Variants in VPS8 observed in about 807,000 individuals in gnomAD.
The protein encoded by VPS8 is vacuolar protein sorting-associated protein 8 homolog.
VPS8 carries 129 observed loss-of-function variants against 216.4 expected under a neutral mutation model. The observed-to-expected ratio is 0.60, with a 90% CI of 0.52 to 0.69. VPS8 has a LOEUF of 0.69. VPS8 is among the 30% of genes least tolerant of loss of function. The pLI is 0.00. For missense variants in VPS8, 1,531 were observed against 1,683.5 expected, an observed-to-expected ratio of 0.91 and a Z score of 1.59; for synonymous variants, 571 against 565.4, an observed-to-expected ratio of 1.01 and a Z score of -0.14.
At chr3:184,848,564 C>CT (rs35715889) in intron 8 of VPS8, among the ~76,000 whole-genome samples, 4,759 of 87,210 alleles carry the variant, frequency 0.055, 259 homozygotes, top group Non-Finnish European at 0.077. Context: ...TTCCTGTATT[C>CT]TTTTTTTTTT....
Position 184,914,998 on chromosome 3 carries a change from G to A in VPS8, c.2207G>A (p.Arg736His), listed in dbSNP as rs748532795. 14 of 1,613,848 alleles carry A rather than the reference G, an allele frequency of 8.7e-6. No individual in the cohort carries two copies. The highest frequency in any genetic ancestry group is 5.3e-5 in the African/African-American group (4 of 74,926). The change falls in exon 27 of 48, where the codon CGT becomes CAT. Residue 736 changes from arginine (R) to histidine (H), a missense_variant. Physicochemically the swap from Arg to His is conservative, Grantham distance 29. Around this residue, in one of 3 missense-constraint regions of VPS8, gnomAD observed 1,318 missense variants for 1,468.4 expected, o/e 0.90. Transcript: ENST00000625842. Reference sequence around the variant, plus strand: ...TCTTCTAGCTGTTGTCTAGCAGGTCGTGCCTATCCCCTTGGTGACATCCCT... The same window carrying A: ...TCTTCTAGCTGTTGTCTAGCAGGTCATGCCTATCCCCTTGGTGACATCCCT... ...LVYISCCLAG[R>H]AYPLGDIPED...
At chr3:184,944,826 G>T (rs558287219) in intron 36 of VPS8, among the ~76,000 whole-genome samples, 1 of 152,126 alleles carries the variant, frequency 6.6e-6, no homozygotes, top group African/African-American at 2.4e-5. Context: ...TTATGGAAAT[G>T]GTTATGCATT....
chr3:184,975,962 C>G (rs1749193976), intron 40 of VPS8, among the ~76,000 whole-genome samples: 1 of 152,136 alleles, frequency 6.6e-6, no homozygotes, highest in African/African-American at 2.4e-5. Context: ...AACCCCCTTG[C>G]AGTTGAAAAT....
chr3:184,949,231 C>A (rs2132239), intron 36 of VPS8, among the ~76,000 whole-genome samples: 3 of 151,820 alleles, frequency 2.0e-5, no homozygotes, highest in Admixed American at 6.6e-5. Flanking sequence ...GGGGAGGTCG[C>A]GGCTGCAGTG....
chr3:184,851,534 C>T (rs917264365), intron 10 of VPS8, among the ~76,000 whole-genome samples: 2 of 151,938 alleles, frequency 1.3e-5, no homozygotes, highest in Admixed American at 6.6e-5. Flanking sequence ...TTATAAAGCA[C>T]GTACAAAAGA....
intron 32 of VPS8, among the ~76,000 whole-genome samples, chr3:184,929,018 T>C (rs1396416778): frequency 3.3e-5 from 5 of 152,180 alleles, no homozygotes; most frequent in Non-Finnish European, 7.4e-5. Context: ...CACTATTTCT[T>C]ATGTGATACA....
intron 3 of VPS8, among the ~76,000 whole-genome samples, chr3:184,832,304 AT>A (rs112120253): frequency 9.8e-4 from 148 of 150,802 alleles, no homozygotes; most frequent in Middle Eastern, 6.9e-3. Flanking sequence ...TCTGCTTGTC[AT>A]TTTTTTTTAT....
intron 46 of VPS8, among the ~76,000 whole-genome samples, chr3:185,038,790 C>T (rs11926671): frequency 2.0e-5 from 3 of 152,094 alleles, no homozygotes; most frequent in South Asian, 2.1e-4. Context: ...GTTGGAAGCA[C>T]GGAGGGGCAG....
intron 36 of VPS8, among the ~76,000 whole-genome samples, chr3:184,952,307 C>T (rs1744838602): frequency 6.6e-6 from 1 of 152,090 alleles, no homozygotes; most frequent in African/African-American, 2.4e-5. Flanking sequence ...GATTTTTCCC[C>T]ACACACCAAT....
intron 40 of VPS8, among the ~76,000 whole-genome samples, chr3:184,975,237 G>A (rs1016910349): frequency 3.9e-5 from 6 of 152,040 alleles, no homozygotes; most frequent in Non-Finnish European, 8.8e-5. Flanking sequence ...GAGTTTTGTA[G>A]TTTTCCATAT....
chr3:184,886,156 A>G lies in VPS8; in HGVS notation c.1781A>G (p.Lys594Arg). The change falls in exon 22 of 48, where the codon AAG becomes AGG. Residue 594 changes from lysine (K) to arginine (R), a missense_variant and splice_region_variant. Coordinates refer to ENST00000625842, the MANE Select transcript of VPS8 (RefSeq NM_001009921.3). ...IVDYCLLLQR[K>R]DLLFSQMYDK... ...GATTACTGCCTTCTGCTGCAGCGAA[A>G]GTGAGTATGCGTTGCCTGTCACATT... 6.2e-7 allele frequency: 1 copy of G among 1,607,542 alleles called. No homozygotes were observed. Among genetic ancestry groups the G allele is most frequent in the African/African-American group, 1.3e-5 (1 of 74,994 alleles).
intron 1 of VPS8, among the ~76,000 whole-genome samples, chr3:184,822,218 A>G (rs1219587685): frequency 1.3e-5 from 2 of 152,188 alleles, no homozygotes; most frequent in Admixed American, 1.3e-4. Flanking sequence ...AAGTGGCCAC[A>G]ACAGCAGACC....
intron 17 of VPS8, 40 bp downstream of exon 17, chr3:184,866,990 C>G (rs1335657973): frequency 3.1e-6 from 5 of 1,588,242 alleles, no homozygotes; most frequent in Admixed American, 1.7e-5. Flanking sequence ...TTGTATGTAT[C>G]AGGGTAGTTG....
In VPS8 at chr3:184,923,640, C is replaced by T. The variant is rs541413454; in HGVS notation, c.2455-1222C>T. On this transcript the variant is annotated intron_variant, in intron 29 of 47. Transcript: ENST00000625842. The stretch of plus-strand genomic sequence containing the variant: ...TTTTCTGTAGAATACATTCTAGATT[C>T]CTTAGGATGACATTTGAGACCTCAT... Among the ~76,000 whole-genome samples, 5 of 152,236 alleles carry T rather than the reference C, an allele frequency of 3.3e-5. No individual in the cohort carries two copies. The South Asian group carries it at 1.0e-3, about 32-fold the overall frequency.
At chr3:184,868,897 G>A (rs1727841668) in intron 18 of VPS8, 49 bp from the exon 19 acceptor site, 2 of 1,529,940 alleles carry the variant, frequency 1.3e-6, no homozygotes, top group Non-Finnish European at 1.8e-6. Flanking sequence ...ATTCTGACTG[G>A]TGACTGGTCA....
chr3:184,821,964 G>A (rs13319442), intron 1 of VPS8, among the ~76,000 whole-genome samples: 36,606 of 151,872 alleles, frequency 0.24, 7,057 homozygotes, highest in African/African-American at 0.54. Flanking sequence ...TAGCCTCTAC[G>A]AGAACACATG....
rs1217889460 is a variant in VPS8 at position 184,850,034 on chromosome 3, ATTTTC to A, written c.753+18_753+22del. On this transcript the variant is annotated intron_variant, in intron 10 of 47. Coordinates refer to ENST00000625842, the MANE Select transcript of VPS8 (RefSeq NM_001009921.3). ...TATTGCATATCAAGGTAAGAGCTTT[ATTTTC>A]TTTTCCTAATAATTTTTTTATTATG... is the stretch of plus-strand genomic sequence containing the variant. 3.2e-6 allele frequency: 5 copies of A among 1,587,004 alleles called. No individual in the cohort carries two copies. The highest frequency in any genetic ancestry group is 3.4e-4 in the Middle Eastern group (2 of 5,936).
At chr3:185,006,848 GT>G (rs11328537) in intron 45 of VPS8, among the ~76,000 whole-genome samples, 136,783 of 151,948 alleles carry the variant, frequency 0.9, 62,650 homozygotes, top group Non-Finnish European at 0.98. Context: ...GTCAAATGCA[GT>G]CCTTTTGTTT....
At chr3:184,838,600 C>A (rs1056467400) in intron 5 of VPS8, 114 bp from the exon 6 acceptor site, 1 of 821,776 alleles carries the variant, frequency 1.2e-6, no homozygotes, top group Middle Eastern at 2.9e-4. Context: ...AATAAAGGTT[C>A]TACCTCTAAT....
Sources: gnomAD v4.1 joint callset for allele counts (sites outside exome capture counted in the v4.1 genomes callset) on GRCh38, gnomAD v4.1.1 for gene constraint, gnomAD v4.1.1 regional missense constraint, MANE v1.5 for transcripts, NCBI Gene and HGNC (gene_info 2026-07-23, HGNC 2026-07-21) for gene names.